Variants in NRXN3 observed in about 807,000 individuals in gnomAD.
NRXN3 encodes the protein neurexin III.
Under a neutral mutation model 137.6 loss-of-function variants are expected in NRXN3, and 32 were observed. The observed-to-expected ratio is 0.23, with a 90% confidence interval of 0.18 to 0.31. NRXN3 has a LOEUF of 0.31. Among genes scored for constraint, NRXN3 ranks in the 10% least tolerant of loss-of-function variants. NRXN3 has a pLI of 1.00. For missense variants in NRXN3, 1,574 were observed against 2,062.5 expected, an observed-to-expected ratio of 0.76 and a Z score of 4.59; for synonymous variants, 798 against 784.5, an observed-to-expected ratio of 1.02 and a Z score of -0.29.
chr14:79,088,464 C>T (rs1306943202), intron 15 of NRXN3, among the ~76,000 whole-genome samples: 3 of 141,028 alleles, frequency 2.1e-5, no homozygotes, highest in Admixed American at 6.7e-5. Flanking sequence ...AAAGGCCTCT[C>T]CCTTTCCCCA....
intron 10 of NRXN3, among the ~76,000 whole-genome samples, chr14:78,940,151 C>T (rs11848130): frequency 0.051 from 7,832 of 152,204 alleles, 356 homozygotes; most frequent in African/African-American, 0.11. Context: ...CACTACCCTA[C>T]GACACGGAAG....
In NRXN3 at chr14:79,088,269, C is replaced by G. The variant is rs942208805; in HGVS notation, c.3262+100128C>G. ...CTCTCTCATTCTGCTCACCATCTTA[C>G]CCTTCTCCTTGAAGATCAGCTTAAA... is the stretch of plus-strand genomic sequence containing the variant. On this transcript the variant is annotated intron_variant, in intron 15 of 20. Transcript: ENST00000335750. 3.3e-5 allele frequency among the ~76,000 whole-genome samples: 5 copies of G among 149,658 alleles called. 1 individual carries two copies. The highest frequency in any genetic ancestry group is 1.3e-4 in the African/African-American group (5 of 39,030).
At chr14:79,568,061 G>A (rs1302177428) in intron 16 of NRXN3, among the ~76,000 whole-genome samples, 1 of 152,074 alleles carries the variant, frequency 6.6e-6, no homozygotes, top group Non-Finnish European at 1.5e-5. Context: ...ACAATTCAAT[G>A]GAACTGAAGA....
intron 4 of NRXN3, among the ~76,000 whole-genome samples, chr14:78,431,116 A>T (rs1458396390): frequency 6.6e-6 from 1 of 152,184 alleles, no homozygotes; most frequent in East Asian, 1.9e-4. Context: ...GTATTTAGAA[A>T]ATATGGAGGC....
At position 78,857,169 on chromosome 14, in the gene NRXN3, T is replaced by C. The variant is rs561018545; in HGVS notation, c.2275+46825T>C. On this transcript the variant is annotated intron_variant, in intron 10 of 20. Transcript: ENST00000335750. ...TAAGATGGCATATATGAATTGTTTT[T>C]TTTTTCTTTCTCCCAAAGGCATAGG... 7.3e-4 allele frequency among the ~76,000 whole-genome samples: 111 copies of C among 152,332 alleles called. 1 individual carries two copies. Among genetic ancestry groups the C allele is most frequent in the Middle Eastern group, 3.4e-3 (1 of 294 alleles).
chr14:78,345,477 T>A (rs951947509), intron 4 of NRXN3, among the ~76,000 whole-genome samples: 6 of 152,170 alleles, frequency 3.9e-5, no homozygotes, highest in African/African-American at 1.4e-4. Context: ...TAATGATTTG[T>A]GTTAAGTGGT....
At chr14:79,499,113 A>G (rs7145128) in intron 16 of NRXN3, among the ~76,000 whole-genome samples, 60,080 of 151,960 alleles carry the variant, frequency 0.4, 12,991 homozygotes, top group African/African-American at 0.58. Context: ...TTTATTACCA[A>G]CCACCCCCAA....
intron 15 of NRXN3, among the ~76,000 whole-genome samples, chr14:79,293,506 C>T (rs971913891): frequency 1.3e-5 from 2 of 152,250 alleles, no homozygotes; most frequent in Non-Finnish European, 2.9e-5. Flanking sequence ...GCGAGGGCAA[C>T]GTGCAAGCTT....
chr14:78,278,579 CT>C, intron 2 of NRXN3, 65 bp from the exon 3 acceptor site: 1 of 1,258,918 alleles, frequency 7.9e-7, no homozygotes, highest in Non-Finnish European at 1.1e-6. Flanking sequence ...TGCTAACACT[CT>C]TCTTCCTTTT....
intron 10 of NRXN3, among the ~76,000 whole-genome samples, chr14:78,878,747 C>A (rs976760495): frequency 2.0e-5 from 3 of 152,036 alleles, no homozygotes; most frequent in Non-Finnish European, 4.4e-5. Context: ...GTATAAAATA[C>A]ATTGTTATTA....
intron 8 of NRXN3, among the ~76,000 whole-genome samples, chr14:78,725,402 TAGC>T (rs1382794395): frequency 2.0e-5 from 3 of 152,402 alleles, no homozygotes; most frequent in East Asian, 3.9e-4. Context: ...GGTCTGAAGA[TAGC>T]AGCTGATTCC....
intron 15 of NRXN3, among the ~76,000 whole-genome samples, chr14:79,108,850 A>C (rs1029421893): frequency 3.9e-5 from 6 of 152,182 alleles, no homozygotes; most frequent in Non-Finnish European, 5.9e-5. Context: ...TAAATTTTTT[A>C]CGCTGCTGTC....
chr14:78,790,468 G>C (rs894819011), intron 8 of NRXN3, among the ~76,000 whole-genome samples: 1 of 152,158 alleles, frequency 6.6e-6, no homozygotes, highest in South Asian at 2.1e-4. Context: ...CCCTGGAACC[G>C]TTGGGTCTGT....
intron 16 of NRXN3, among the ~76,000 whole-genome samples, chr14:79,571,433 C>A (rs1199272875): frequency 6.6e-6 from 1 of 152,080 alleles, no homozygotes; most frequent in Non-Finnish European, 1.5e-5. Flanking sequence ...AAAATAACAA[C>A]CTTGCTAACA....
rs3059009 is a variant in NRXN3, at chr14:78,263,873, T to TTGTG, written c.710-14722_710-14719dup. ...ATTTTTAGCTGCTGTCAGTTCTATTTTGTGTGTGTGTGTGTGTGTGTGTGT... is the reference window on the plus strand; with the variant it reads ...ATTTTTAGCTGCTGTCAGTTCTATTTTGTGTGTGTGTGTGTGTGTGTGTGTGTGT... On this transcript the variant is annotated intron_variant, in intron 2 of 20. Coordinates refer to ENST00000335750, the MANE Select transcript of NRXN3 (RefSeq NM_001330195.2). 6.6e-3 allele frequency among the ~76,000 whole-genome samples: 900 copies of TTGTG among 135,604 alleles called. 7 individuals carry two copies. Among genetic ancestry groups the TTGTG allele is most frequent in the Admixed American group, 0.012 (155 of 13,104 alleles). 89.0% of individuals were successfully genotyped at this position (135,604 alleles called of 152,430 possible).
chr14:78,618,659 A>G (rs1013122637), intron 4 of NRXN3, among the ~76,000 whole-genome samples: 2 of 152,222 alleles, frequency 1.3e-5, no homozygotes, highest in African/African-American at 4.8e-5. Flanking sequence ...AGCTTCCTCC[A>G]TGTGTTCTGT....
At chr14:79,566,373 C>T (rs1057013697) in intron 16 of NRXN3, among the ~76,000 whole-genome samples, 2 of 152,048 alleles carry the variant, frequency 1.3e-5, no homozygotes, top group Non-Finnish European at 2.9e-5. Flanking sequence ...CCAACTCCCT[C>T]CTCACCTCTC....
intron 8 of NRXN3, among the ~76,000 whole-genome samples, chr14:78,726,961 A>AAAAAAT (rs2152887308): frequency 1.3e-5 from 1 of 75,182 alleles, no homozygotes; most frequent in East Asian, 2.1e-4. Context: ...TTATTCACTA[A>AAAAAAT]AAAAAAAAAA....
At chr14:79,242,927 A>G (rs991358106) in intron 15 of NRXN3, among the ~76,000 whole-genome samples, 7 of 152,192 alleles carry the variant, frequency 4.6e-5, no homozygotes, top group Admixed American at 1.3e-4. Context: ...TGCTACTAAC[A>G]TACAGGACCT....
Sources: allele counts gnomAD v4.1 joint callset (sites outside exome capture counted in the v4.1 genomes callset), GRCh38; gene constraint gnomAD v4.1.1; transcripts MANE v1.5; gene names NCBI Gene and HGNC (gene_info 2026-07-23, HGNC 2026-07-21).